PTPRM: variants seen among roughly 807,000 people sequenced by gnomAD.
PTPRM encodes protein tyrosine phosphatase receptor type M.
A neutral mutation model predicts 186.7 loss-of-function variants in PTPRM; 47 were observed. That is an observed-to-expected ratio of 0.25 (90% CI 0.20 to 0.32). The LOEUF (loss-of-function observed/expected upper bound fraction) is 0.32. Ranked by LOEUF, PTPRM falls within the 10% of genes least tolerant of loss-of-function variation. PTPRM has a pLI of 1.00. For missense variants in PTPRM, 1,494 were observed against 1,865.0 expected (o/e 0.80, Z 3.66); for synonymous variants, 668 against 674.9 (o/e 0.99, Z 0.16).
intron 20 of PTPRM, among the ~76,000 whole-genome samples, chr18:8,297,336 C>A (rs1403441749): frequency 6.6e-6 from 1 of 152,178 alleles, no homozygotes; most frequent in Non-Finnish European, 1.5e-5. Flanking sequence ...TTGGTTATTC[C>A]AGAGGAGCAA....
rs2087159421 is a variant in PTPRM, at chr18:8,047,669, A to G, written c.1133-22017A>G. 3.9e-5 allele frequency among the ~76,000 whole-genome samples: 6 copies of G among 151,986 alleles called. No homozygotes were observed. In the South Asian group the frequency reaches 1.0e-3, roughly 26 times the overall value. On this transcript the variant is annotated intron_variant, in intron 7 of 32. Coordinates refer to ENST00000580170, the MANE Select transcript of PTPRM (RefSeq NM_001105244.2). The stretch of plus-strand genomic sequence containing the variant: ...AAAACTCCACCTTACCCTCATCCCC[A>G]ATAGTGCTCCCCAGCCTCCCACCAA...
At chr18:7,596,549 ATTAG>A (rs1360923877) in intron 1 of PTPRM, among the ~76,000 whole-genome samples, 1 of 152,108 alleles carries the variant, frequency 6.6e-6, no homozygotes, top group Non-Finnish European at 1.5e-5. Flanking sequence ...CCATTTTATT[ATTAG>A]TTGTTAATCT....
intron 7 of PTPRM, among the ~76,000 whole-genome samples, chr18:8,016,799 C>T (rs762860767): frequency 1.3e-5 from 2 of 152,150 alleles, no homozygotes; most frequent in African/African-American, 4.8e-5. Flanking sequence ...TTTAAAAGAA[C>T]GTCTATCTAT....
Position 8,406,192 on chromosome 18 carries a change from T to G in PTPRM, c.*30T>G. On this transcript the variant is annotated 3_prime_UTR_variant, in exon 33 of 33. Transcript: ENST00000580170. ...GTAAACAGCTCTGCAAACAATCCCTTTCATACCACAAAGCCAAGACGTTCC... is the reference window on the plus strand; with the variant it reads ...GTAAACAGCTCTGCAAACAATCCCTGTCATACCACAAAGCCAAGACGTTCC... 1 of 1,600,702 alleles carries G rather than the reference T, an allele frequency of 6.2e-7. No homozygotes were observed. Among genetic ancestry groups the G allele is most frequent in the Non-Finnish European group, 8.6e-7 (1 of 1,168,930 alleles).
chr18:7,714,702 A>G (rs1020133164), intron 1 of PTPRM, among the ~76,000 whole-genome samples: 4 of 152,228 alleles, frequency 2.6e-5, no homozygotes, highest in Admixed American at 6.5e-5. Context: ...CTGATCCCAC[A>G]GAAATACAAA....
At chr18:7,945,643 TCTC>T (rs766732375) in intron 5 of PTPRM, among the ~76,000 whole-genome samples, 2 of 152,184 alleles carry the variant, frequency 1.3e-5, no homozygotes, top group Non-Finnish European at 2.9e-5. Context: ...AGTCAGGTCT[TCTC>T]CTCTGTGCTA....
chr18:8,052,941 G>A (rs2087618037), intron 7 of PTPRM, among the ~76,000 whole-genome samples: 1 of 152,156 alleles, frequency 6.6e-6, no homozygotes, highest in Non-Finnish European at 1.5e-5. Flanking sequence ...TTAAGCTTGA[G>A]CATATTTTCA....
intron 14 of PTPRM, among the ~76,000 whole-genome samples, chr18:8,172,513 G>A (rs1226750994): frequency 2.6e-5 from 4 of 151,960 alleles, no homozygotes; most frequent in Admixed American, 6.6e-5. Context: ...ATACTTCTTT[G>A]TCATACCCCA....
intron 23 of PTPRM, among the ~76,000 whole-genome samples, chr18:8,352,666 G>GTTTTTTTTTTTT (rs2095541867): frequency 9.6e-6 from 1 of 104,242 alleles, no homozygotes; most frequent in East Asian, 3.2e-4. Flanking sequence ...TTTTTTGTTT[G>GTTTTTTTTTTTT]TTTGTTTGTT....
chr18:7,672,964 T>C (rs1297780461), intron 1 of PTPRM, among the ~76,000 whole-genome samples: 1 of 152,062 alleles, frequency 6.6e-6, no homozygotes, highest in East Asian at 1.9e-4. Context: ...TTCCTGAGAG[T>C]GGGAGACTTC....
At chr18:7,580,030 T>C (rs367821787) in intron 1 of PTPRM, among the ~76,000 whole-genome samples, 1 of 152,152 alleles carries the variant, frequency 6.6e-6, no homozygotes, top group Non-Finnish European at 1.5e-5. Context: ...CTAGGAGAGG[T>C]GGCTCATTAA....
chr18:7,872,012 C>G (rs570102005), intron 2 of PTPRM, among the ~76,000 whole-genome samples: 1 of 152,162 alleles, frequency 6.6e-6, no homozygotes, highest in South Asian at 2.1e-4. Flanking sequence ...TTTAAAATGC[C>G]TCTGTTGTTA....
chr18:8,243,666 C>G (rs113926815), intron 14 of PTPRM, among the ~76,000 whole-genome samples: 3 of 152,306 alleles, frequency 2.0e-5, no homozygotes, highest in African/African-American at 7.2e-5. Flanking sequence ...CTCTTTGACA[C>G]TGTATATGGT....
intron 22 of PTPRM, among the ~76,000 whole-genome samples, chr18:8,323,300 G>A (rs1171841955): frequency 6.6e-6 from 1 of 151,984 alleles, no homozygotes; most frequent in African/African-American, 2.4e-5. Context: ...TTTGTGCACC[G>A]GGATCCCCCA....
intron 2 of PTPRM, among the ~76,000 whole-genome samples, chr18:7,784,174 A>G (rs73939372): frequency 0.02 from 2,992 of 152,232 alleles, 93 homozygotes; most frequent in African/African-American, 0.067. Flanking sequence ...GAAGTCAAAG[A>G]GCCGAATACA....
At chr18:8,319,104 C>A (rs1301737727) in intron 21 of PTPRM, 74 bp from the exon 22 acceptor site, 4 of 1,054,176 alleles carry the variant, frequency 3.8e-6, no homozygotes, top group Non-Finnish European at 5.7e-6. Flanking sequence ...TTCCTTTCAG[C>A]AAAGTTAGCA....
At chr18:7,601,966 C>T (rs1320078860) in intron 1 of PTPRM, among the ~76,000 whole-genome samples, 2 of 152,150 alleles carry the variant, frequency 1.3e-5, no homozygotes, top group South Asian at 2.1e-4. Context: ...CCTTGAGCCC[C>T]TAGGCATGCT....
chr18:8,320,836 C>T (rs184665634), intron 22 of PTPRM, among the ~76,000 whole-genome samples: 169 of 152,318 alleles, frequency 1.1e-3, no homozygotes, highest in Admixed American at 3.8e-3. Context: ...ATGGCTCCTT[C>T]CAAGGTCACT....
chr18:7,884,993 T>TG (rs1267044822), intron 2 of PTPRM, among the ~76,000 whole-genome samples: 3 of 145,724 alleles, frequency 2.1e-5, no homozygotes, highest in Non-Finnish European at 4.5e-5. Context: ...AGAACAGGGT[T>TG]GGGGCTGACC....
Sources: gnomAD v4.1 joint callset for allele counts (sites outside exome capture counted in the v4.1 genomes callset) on GRCh38, gnomAD v4.1.1 for gene constraint, MANE v1.5 for transcripts, NCBI Gene and HGNC (gene_info 2026-07-23, HGNC 2026-07-21) for gene names.